Variants in RANBP2 observed in about 807,000 individuals in gnomAD.
RANBP2 encodes the protein E3 SUMO-protein ligase RanBP2.
A neutral mutation model predicts 303.6 loss-of-function variants in RANBP2; 57 were observed. The ratio of observed to expected loss-of-function variants is 0.19; its 90% CI spans 0.15 to 0.23. The LOEUF (loss-of-function observed/expected upper bound fraction) is 0.23. Among genes scored for constraint, RANBP2 ranks in the 10% least tolerant of loss-of-function variants. The pLI, the probability that RANBP2 is intolerant of heterozygous loss-of-function variation, is 1.00. For synonymous variants in RANBP2, 1,167 were observed against 1,301.5 expected (o/e 0.90, Z 2.23); for missense variants, 3,138 against 3,780.8 (o/e 0.83, Z 4.46).
At chr2:109,056,388 C>G in the RANBP2 span, among the ~76,000 whole-genome samples, 3 of 151,930 alleles carry the variant, frequency 2.0e-5, no homozygotes, top group Middle Eastern at 3.2e-3. Context: ...AGGCTAGATT[C>G]GAAGTTCTGG....
the RANBP2 span, among the ~76,000 whole-genome samples, chr2:109,554,640 A>C: frequency 6.6e-6 from 1 of 152,222 alleles, no homozygotes; most frequent in Non-Finnish European, 1.5e-5. Context: ...CTCCACACAG[A>C]CAGTGGCCAT....
At chr2:109,061,967 C>T in the RANBP2 span, among the ~76,000 whole-genome samples, 1 of 152,132 alleles carries the variant, frequency 6.6e-6, no homozygotes, top group East Asian at 1.9e-4. Flanking sequence ...CCTACCCCTC[C>T]CTCATTAGGG....
chr2:109,419,808 A>T, the RANBP2 span, among the ~76,000 whole-genome samples: 1 of 152,252 alleles, frequency 6.6e-6, no homozygotes, highest in Non-Finnish European at 1.5e-5. Flanking sequence ...TGTGGAAGAC[A>T]AAAGTCTAGC....
the RANBP2 span, among the ~76,000 whole-genome samples, chr2:109,117,561 G>A: frequency 6.6e-6 from 1 of 152,230 alleles, no homozygotes; most frequent in Admixed American, 6.5e-5. Flanking sequence ...ACTAGGAAAG[G>A]GAACTCCTTG....
chr2:109,639,188 A>T, the RANBP2 span, among the ~76,000 whole-genome samples: 1 of 152,200 alleles, frequency 6.6e-6, no homozygotes, highest in Admixed American at 6.5e-5. Context: ...TCAGTGATGG[A>T]TTTAGCATTA....
At chr2:108,752,374 A>C (rs1675953599) in intron 12 of RANBP2, among the ~76,000 whole-genome samples, 1 of 151,124 alleles carries the variant, frequency 6.6e-6, no homozygotes, top group African/African-American at 2.4e-5. Context: ...CTTTTGAACA[A>C]ACTGACACTA....
chr2:109,534,377 G>C, the RANBP2 span, among the ~76,000 whole-genome samples: 4 of 152,138 alleles, frequency 2.6e-5, no homozygotes, highest in African/African-American at 9.7e-5. Context: ...GTTCTAGTAG[G>C]ATCACAGGCA....
At chr2:109,211,264 G>T in the RANBP2 span, among the ~76,000 whole-genome samples, 7 of 152,206 alleles carry the variant, frequency 4.6e-5, no homozygotes, top group Non-Finnish European at 5.9e-5. Context: ...GGTGGTGAGG[G>T]GATGTCCTGC....
the RANBP2 span, among the ~76,000 whole-genome samples, chr2:109,230,714 GC>G: frequency 7.2e-5 from 11 of 152,228 alleles, no homozygotes; most frequent in Admixed American, 2.6e-4. Flanking sequence ...TATGTCACCA[GC>G]ATTAAGTACA....
chr2:108,997,799 G>A, the RANBP2 span, among the ~76,000 whole-genome samples: 8 of 152,196 alleles, frequency 5.3e-5, no homozygotes, highest in East Asian at 1.4e-3. Context: ...GCTGAGGCAG[G>A]AGAATCACTT....
rs544847166 is a variant in RANBP2, at chr2:108,733,834, T to C, written c.406-1698T>C. Among the ~76,000 whole-genome samples the C allele has an allele frequency of 2.3e-3, 350 of 150,370 alleles. 2 individuals carry two copies. The highest frequency in any genetic ancestry group is 3.6e-3 in the Non-Finnish European group (246 of 67,858). Reference sequence around the variant, plus strand: ...AATAACTTGAAGGCACTGTTACACCTTTCCTGTATCAGATTTTTTTTTTTT... The same window carrying C: ...AATAACTTGAAGGCACTGTTACACCCTTCCTGTATCAGATTTTTTTTTTTT... On this transcript the variant is annotated intron_variant, in intron 4 of 28. Transcript: ENST00000283195.
In RANBP2 at chr2:108,763,232, T is replaced by C; in HGVS notation, c.2698-5T>C. On this transcript the variant is annotated splice_region_variant and splice_polypyrimidine_tract_variant and intron_variant, in intron 19 of 28. Coordinates refer to ENST00000283195, the MANE Select transcript of RANBP2 (RefSeq NM_006267.5). ...TACAAAATGTTTTAACTTTCTGTCTTTTAGGGCCCAGTCTATGGCATGAAT... is the reference window on the plus strand; with the variant it reads ...TACAAAATGTTTTAACTTTCTGTCTCTTAGGGCCCAGTCTATGGCATGAAT... 6.2e-7 allele frequency: 1 copy of C among 1,613,432 alleles called. No individual in the cohort carries two copies. The highest frequency in any genetic ancestry group is 1.7e-4 in the Middle Eastern group (1 of 6,060).
the RANBP2 span, among the ~76,000 whole-genome samples, chr2:109,054,538 A>C: frequency 6.6e-6 from 1 of 151,966 alleles, no homozygotes; most frequent in Non-Finnish European, 1.5e-5. Flanking sequence ...AATCCCTTCT[A>C]AAAATACAAA....
At chr2:109,320,610 G>C in the RANBP2 span, among the ~76,000 whole-genome samples, 1 of 152,146 alleles carries the variant, frequency 6.6e-6, no homozygotes, top group African/African-American at 2.4e-5. Context: ...CTGCTTACTA[G>C]GTCACCAAAA....
the RANBP2 span, among the ~76,000 whole-genome samples, chr2:109,468,788 A>T: frequency 2.9e-5 from 4 of 138,964 alleles, no homozygotes; most frequent in African/African-American, 5.4e-5. Flanking sequence ...TGGGAGGTGG[A>T]GTTTGCAGTG....
chr2:109,181,447 T>TAA, the RANBP2 span, among the ~76,000 whole-genome samples: 1 of 152,176 alleles, frequency 6.6e-6, no homozygotes, highest in Non-Finnish European at 1.5e-5. Flanking sequence ...TCTGGCGCTG[T>TAA]AAGGGTTTGT....
chr2:108,759,850 C>T (rs1468696589), intron 18 of RANBP2, among the ~76,000 whole-genome samples: 1 of 152,114 alleles, frequency 6.6e-6, no homozygotes, highest in African/African-American at 2.4e-5. Context: ...CTTCTGTGTA[C>T]AGGCATAAAA....
At chr2:108,845,271 C>T in the RANBP2 span, among the ~76,000 whole-genome samples, 1 of 151,936 alleles carries the variant, frequency 6.6e-6, no homozygotes, top group East Asian at 1.9e-4. Flanking sequence ...AATTAGATTG[C>T]ACTGCTTGTG....
the RANBP2 span, among the ~76,000 whole-genome samples, chr2:109,179,240 A>T: frequency 3.3e-5 from 5 of 152,182 alleles, no homozygotes; most frequent in African/African-American, 4.8e-5. Flanking sequence ...CTGACATGTG[A>T]TCCTTTTTAT....
Sources: gnomAD v4.1 joint callset for allele counts (sites outside exome capture counted in the v4.1 genomes callset) on GRCh38, gnomAD v4.1.1 for gene constraint, MANE v1.5 for transcripts, NCBI Gene and HGNC (gene_info 2026-07-23, HGNC 2026-07-21) for gene names.